ABLIM2: variants seen among roughly 807,000 people sequenced by gnomAD.
ABLIM2 encodes actin binding LIM protein family member 2.
ABLIM2 carries 53 observed loss-of-function variants against 97.7 expected under a neutral mutation model. That is an observed-to-expected ratio of 0.54 (90% CI 0.44 to 0.68). The LOEUF (loss-of-function observed/expected upper bound fraction) is 0.68, where lower values mean the gene tolerates loss of function less well. ABLIM2 is among the 30% of genes least tolerant of loss of function. The pLI is 0.00. For missense variants in ABLIM2, 835 were observed against 867.2 expected (o/e 0.96, Z 0.47); for synonymous variants, 361 against 345.8 (o/e 1.04, Z -0.49).
chr4:8,107,880 G>C (rs1468094616), intron 1 of ABLIM2, among the ~76,000 whole-genome samples: 1 of 152,190 alleles, frequency 6.6e-6, no homozygotes, highest in Non-Finnish European at 1.5e-5. Context: ...GCCAGAGGGA[G>C]GCGTGACTGT....
intron 6 of ABLIM2, among the ~76,000 whole-genome samples, chr4:8,074,869 C>CTCCTGG (rs1162596695): frequency 1.3e-5 from 2 of 151,092 alleles, no homozygotes; most frequent in Non-Finnish European, 2.9e-5. Context: ...CAACCTCCAC[C>CTCCTGG]TCCTGGTCCT....
rs1561657625 is a variant in ABLIM2, at chr4:8,158,737, A to AC, written c.-49dup. On this transcript the variant is annotated 5_prime_UTR_variant, in exon 1 of 21. Transcript: ENST00000447017. ...GGCGGCCCGGCGCTGCGACAGCCAG[A>AC]CCCTCGGGCCCGCAGGTGCCGCGCC... The AC allele has an allele frequency of 1.4e-6, 2 of 1,391,380 alleles. No individual in the cohort carries two copies. The highest frequency in any genetic ancestry group is 1.9e-6 in the Non-Finnish European group (2 of 1,072,150). 86.2% of individuals were successfully genotyped at this position (1,391,380 alleles called of 1,614,324 possible).
At position 8,135,957 on chromosome 4, in the gene ABLIM2, C is replaced by T. The variant is rs750086213; in HGVS notation, c.10+22723G>A. Among the ~76,000 whole-genome samples the T allele has an allele frequency of 8.5e-5, 13 of 152,228 alleles. 1 individual carries two copies. Among genetic ancestry groups the T allele is most frequent in the South Asian group, 8.3e-4 (4 of 4,834 alleles). On this transcript the variant is annotated intron_variant, in intron 1 of 20. Coordinates refer to ENST00000447017, the MANE Select transcript of ABLIM2 (RefSeq NM_001130083.2). The stretch of plus-strand genomic sequence containing the variant: ...GTCCCTGCTCTGAGGTCACCTGCCA[C>T]GGAGCTGCTGACAGGACCATTAAAA...
chr4:8,118,665 C>T (rs1203319457), intron 1 of ABLIM2, among the ~76,000 whole-genome samples: 1 of 152,190 alleles, frequency 6.6e-6, no homozygotes, highest in South Asian at 2.1e-4. Flanking sequence ...TCCTCACTGC[C>T]CTCTGATCCC....
intron 6 of ABLIM2, chr4:8,066,519 A>T (rs532318966): frequency 6.6e-6 from 1 of 152,220 alleles, no homozygotes. Context: ...CCCGGTGTCC[A>T]TCGTGGATGA....
chr4:8,154,117 C>T (rs1714243508), intron 1 of ABLIM2, among the ~76,000 whole-genome samples: 1 of 151,746 alleles, frequency 6.6e-6, no homozygotes, highest in Non-Finnish European at 1.5e-5. Context: ...CACCTGCCAC[C>T]ACGCCCAGCT....
intron 7 of ABLIM2, 67 bp downstream of exon 7, chr4:8,060,900 T>G: frequency 7.5e-7 from 1 of 1,338,848 alleles, no homozygotes; most frequent in Non-Finnish European, 1.0e-6. Context: ...ACACCCAGCA[T>G]GTGTGTGGAC....
At chr4:7,976,179 A>G (rs1239157442) in intron 20 of ABLIM2, among the ~76,000 whole-genome samples, 2 of 152,198 alleles carry the variant, frequency 1.3e-5, no homozygotes, top group Non-Finnish European at 2.9e-5. Flanking sequence ...GCTGCTGCTC[A>G]TGGGCACAGA....
chr4:7,990,454 G>A (rs1747777835), intron 17 of ABLIM2, among the ~76,000 whole-genome samples: 1 of 152,158 alleles, frequency 6.6e-6, no homozygotes, highest in Admixed American at 6.6e-5. Context: ...CCAAAGTGCT[G>A]AGATTACAGG....
In ABLIM2 at chr4:8,054,413, G is replaced by A. The variant is rs1464112266; in HGVS notation, c.764-167C>T. 6.6e-6 allele frequency among the ~76,000 whole-genome samples: 1 copy of A among 152,254 alleles called. No homozygotes were observed. Among genetic ancestry groups the A allele is most frequent in the Non-Finnish European group, 1.5e-5 (1 of 68,050 alleles). On this transcript the variant is annotated intron_variant, in intron 7 of 20. Transcript: ENST00000447017. The surrounding 1 kb of genome is among the most constrained non-coding windows in gnomAD (Gnocchi z 4.9). Reference sequence around the variant, plus strand: ...TCTGTGCTGGAGTTAGTGCCGGGCAGGGGGTACCCAGATCACAGTCCCCGC... The same window carrying A: ...TCTGTGCTGGAGTTAGTGCCGGGCAAGGGGTACCCAGATCACAGTCCCCGC...
chr4:8,103,513 ACT>A (rs1190804869), intron 2 of ABLIM2, among the ~76,000 whole-genome samples: 1 of 152,152 alleles, frequency 6.6e-6, no homozygotes, highest in Non-Finnish European at 1.5e-5. Context: ...ACAGAGTGAG[ACT>A]CTAACTGGCT....
intron 12 of ABLIM2, among the ~76,000 whole-genome samples, chr4:8,024,956 C>T (rs1036095687): frequency 2.6e-5 from 4 of 152,280 alleles, no homozygotes; most frequent in South Asian, 2.1e-4. Flanking sequence ...GATGTAGTCT[C>T]GCTCTGTTGC....
At chr4:8,111,657 T>C (rs1840387312) in intron 1 of ABLIM2, among the ~76,000 whole-genome samples, 1 of 152,172 alleles carries the variant, frequency 6.6e-6, no homozygotes, top group African/African-American at 2.4e-5. Flanking sequence ...CCAGGCGCTA[T>C]GGCTCACGCC....
At chr4:8,045,032 A>C (rs1364348800) in intron 9 of ABLIM2, 132 bp downstream of exon 9, 4 of 778,448 alleles carry the variant, frequency 5.1e-6, no homozygotes, top group Non-Finnish European at 8.8e-6. Flanking sequence ...GGACAAGAGC[A>C]ATGGCCGTAC....
At position 8,003,561 on chromosome 4, in the gene ABLIM2, CTTTTTTTTTTTTTTT is replaced by C; in HGVS notation, c.1618+4483_1618+4497del. ...ACCACTACGCTCTTCTTCCAGTTTT[CTTTTTTTTTTTTTTT>C]TTTTTTGGAGATGGAGTCTCGCTCT... is the stretch of plus-strand genomic sequence containing the variant. On this transcript the variant is annotated intron_variant, in intron 16 of 20. Transcript: ENST00000447017. This position sits in a 1 kb window ranked among gnomAD's most constrained non-coding sequence, Gnocchi z 4.2. Among the ~76,000 whole-genome samples the C allele has an allele frequency of 8.3e-6, 1 of 120,190 alleles. No homozygotes were observed. Among genetic ancestry groups the C allele is most frequent in the South Asian group, 2.8e-4 (1 of 3,590 alleles). 78.8% of individuals were successfully genotyped at this position (120,190 alleles called of 152,430 possible). A position where few individuals can be genotyped will look rare whatever the true frequency, so the allele number is the denominator to read the frequency against.
intron 10 of ABLIM2, among the ~76,000 whole-genome samples, chr4:8,034,768 A>G (rs1247453714): frequency 7.2e-5 from 1 of 13,936 alleles, no homozygotes; most frequent in Non-Finnish European, 1.2e-4. Context: ...GCAGGTGGGT[A>G]GGTGGGTGGT....
At chr4:7,974,367 T>TCATCCATCCATCCACCCATC (rs1730947241) in intron 20 of ABLIM2, among the ~76,000 whole-genome samples, 2 of 74,082 alleles carry the variant, frequency 2.7e-5, no homozygotes, top group Admixed American at 2.5e-4. Flanking sequence ...ACTCCTCCAT[T>TCATCCATCCATCCACCCATC]CATCCATCCA....
chr4:8,079,757 C>T (rs1818560541), intron 5 of ABLIM2, among the ~76,000 whole-genome samples: 1 of 148,932 alleles, frequency 6.7e-6, no homozygotes, highest in South Asian at 2.1e-4. Context: ...CATATGCGTG[C>T]GTGCGTGTGT....
intron 2 of ABLIM2, among the ~76,000 whole-genome samples, chr4:8,101,576 T>C (rs1834656450): frequency 6.6e-6 from 1 of 152,246 alleles, no homozygotes; most frequent in Non-Finnish European, 1.5e-5. Context: ...CAACTCCACC[T>C]GCCTTACATG....
Sources: allele counts gnomAD v4.1 joint callset (sites outside exome capture counted in the v4.1 genomes callset), GRCh38; gene constraint gnomAD v4.1.1; non-coding constraint Gnocchi (gnomAD v3.1); transcripts MANE v1.5; gene names NCBI Gene and HGNC (gene_info 2026-07-23, HGNC 2026-07-21).